Variants in ANKRD26 observed in about 807,000 individuals in gnomAD.
ANKRD26 encodes the protein ankyrin repeat domain 26, also known as ankyrin repeat domain-containing protein 26.
In ANKRD26, 141 loss-of-function variants were observed where a neutral mutation model predicts 208.7. That is an observed-to-expected ratio of 0.68 (90% CI 0.59 to 0.78). The LOEUF (loss-of-function observed/expected upper bound fraction) is 0.78. Ranked by LOEUF, ANKRD26 falls within the 30% of genes least tolerant of loss-of-function variation. The probability of loss-of-function intolerance (pLI) is 0.00; values close to 1 mark genes in which losing one functional copy is unlikely to be tolerated. For synonymous variants in ANKRD26, 636 were observed against 660.4 expected (o/e 0.96, Z 0.57); for missense variants, 1,889 against 1,938.7 (o/e 0.97, Z 0.48).
downstream of ANKRD26, among the ~76,000 whole-genome samples, chr10:26,999,824 A>C (rs1201079842): frequency 1.3e-5 from 2 of 151,628 alleles, no homozygotes; most frequent in Non-Finnish European, 1.5e-5. Flanking sequence ...AAAAAAAAAA[A>C]AAACCCAACA....
chr10:27,028,502 C>CAGG (rs1446562277), intron 27 of ANKRD26, among the ~76,000 whole-genome samples: 2 of 144,422 alleles, frequency 1.4e-5, no homozygotes, highest in African/African-American at 2.6e-5. Flanking sequence ...GAGGCTGAGG[C>CAGG]AGGAGAATGG....
rs184705195 is a variant in ANKRD26, at chr10:27,009,904, T to C, written c.4954-2942A>G. Among the ~76,000 whole-genome samples the C allele has an allele frequency of 2.6e-5, 4 of 152,256 alleles. No individual in the cohort carries two copies. The East Asian group carries it at 7.7e-4, about 29-fold the overall frequency. ...ACTTTTTCATTTTAAAATATAAGAA[T>C]AGGAGAAAATTATAAAAGAACAATG... On this transcript the variant is annotated intron_variant, in intron 32 of 33. Transcript: ENST00000376087.
In ANKRD26 at chr10:27,037,991, C is replaced by T. The variant is rs2054099096; in HGVS notation, c.2439G>A (p.Arg813=). 1 of 1,612,702 alleles carries T rather than the reference C, an allele frequency of 6.2e-7. No homozygotes were observed. Among genetic ancestry groups the T allele is most frequent in the Non-Finnish European group, 8.5e-7 (1 of 1,179,700 alleles). The change falls in exon 22 of 34, where the codon AGG becomes AGA. Residue 813 remains arginine (R), a synonymous_variant. Coordinates refer to ENST00000376087, the MANE Select transcript of ANKRD26 (RefSeq NM_014915.3). ...GCTCTTCTTTTCTTCTTAACTGTTC[C>T]CTAATTTTTTCATACAACGTATCAG... ...RNADTLYEKI[R]EQLRRKEEQY... is the part of the protein sequence containing the mutation.
At chr10:26,964,466 C>T in the ANKRD26 span, among the ~76,000 whole-genome samples, 1 of 152,164 alleles carries the variant, frequency 6.6e-6, no homozygotes, top group African/African-American at 2.4e-5. Context: ...TGACATTAAA[C>T]GAAGGGTCTA....
chr10:27,015,680 G>C (rs3781098), intron 30 of ANKRD26, among the ~76,000 whole-genome samples: 1 of 152,008 alleles, frequency 6.6e-6, no homozygotes, highest in Non-Finnish European at 1.5e-5. Context: ...TGAGAATGAG[G>C]AGTGAAGACT....
At chr10:26,952,803 T>C in the ANKRD26 span, among the ~76,000 whole-genome samples, 1 of 152,212 alleles carries the variant, frequency 6.6e-6, no homozygotes, top group African/African-American at 2.4e-5. Context: ...TTGACCCAAC[T>C]AGGCCAAGCA....
rs572964203 is a variant in ANKRD26, at chr10:27,058,582, AT to A, written c.1564+1762del. Among the ~76,000 whole-genome samples the A allele has an allele frequency of 6.3e-3, 907 of 144,646 alleles. 3 individuals carry two copies. The highest frequency in any genetic ancestry group is 8.1e-3 in the Non-Finnish European group (534 of 65,626). 94.9% of individuals were successfully genotyped at this position (144,646 alleles called of 152,430 possible). ...CATTTCAAAAATGAACTCCACCATG[AT>A]TTTTTTTTTTTTCAGACCAGTCTCA... On this transcript the variant is annotated intron_variant, in intron 15 of 33. Transcript: ENST00000376087.
chr10:26,987,754 C>T (rs1212256284), downstream of ANKRD26, among the ~76,000 whole-genome samples: 2 of 152,122 alleles, frequency 1.3e-5, no homozygotes, highest in African/African-American at 2.4e-5. Flanking sequence ...AATCTATTGA[C>T]AGACACATAT....
the ANKRD26 span, among the ~76,000 whole-genome samples, chr10:26,958,755 GT>G: frequency 1.3e-5 from 2 of 152,042 alleles, no homozygotes; most frequent in East Asian, 3.9e-4. Flanking sequence ...ATTGTAAACA[GT>G]GCTGCAATGA....
chr10:26,996,784 T>C (rs758029348), intron 4 of ANKRD26, among the ~76,000 whole-genome samples: 1 of 152,204 alleles, frequency 6.6e-6, no homozygotes, highest in African/African-American at 2.4e-5. Flanking sequence ...GAGGATGGCC[T>C]TAACCAAATG....
intron 32 of ANKRD26, among the ~76,000 whole-genome samples, chr10:27,011,133 A>G (rs1360332825): frequency 3.3e-5 from 5 of 152,206 alleles, no homozygotes; most frequent in Admixed American, 2.6e-4. Flanking sequence ...TCTCTGCATT[A>G]AGATCATGAA....
chr10:26,979,198 G>A (rs185796749), intron 5 of ANKRD26, among the ~76,000 whole-genome samples: 42 of 152,216 alleles, frequency 2.8e-4, no homozygotes, highest in African/African-American at 9.4e-4. Flanking sequence ...CCAGCCAGGC[G>A]ACAGAGCGAG....
At chr10:26,979,024 C>A (rs146974500) in intron 5 of ANKRD26, among the ~76,000 whole-genome samples, 17 of 152,246 alleles carry the variant, frequency 1.1e-4, no homozygotes, top group African/African-American at 3.9e-4. Flanking sequence ...AGATCGAGAC[C>A]ATCTTGCCTA....
Position 27,040,082 on chromosome 10 carries a change from A to T in ANKRD26, c.2258T>A (p.Ile753Asn), listed in dbSNP as rs1446588591. ...KNHCELLTVKIKKMEDKVNVL... is the reference protein window; with the variant it reads ...KNHCELLTVKNKKMEDKVNVL... The stretch of plus-strand genomic sequence containing the variant: ...ATTAACCTTGTCTTCCATTTTTTTA[A>T]TTTTTACTGTAAGTAGTTCACAGTG... The change falls in exon 21 of 34, where the codon ATT (isoleucine) becomes AAT (asparagine). Residue 753 changes from isoleucine (I) to asparagine (N), a missense_variant. Physicochemically the swap from Ile to Asn is moderately radical, Grantham distance 149. Around this residue, in one of 3 missense-constraint regions of ANKRD26, gnomAD observed 1,272 missense variants for 1,273.8 expected, o/e 1.00. Transcript: ENST00000376087. 6.2e-7 allele frequency: 1 copy of T among 1,612,808 alleles called. No homozygotes were observed. Among genetic ancestry groups the T allele is most frequent in the Non-Finnish European group, 8.5e-7 (1 of 1,179,492 alleles).
At chr10:27,048,737 G>T in intron 17 of ANKRD26, 64 bp downstream of exon 17, 1 of 1,499,812 alleles carries the variant, frequency 6.7e-7, no homozygotes. Context: ...ATGAATATTA[G>T]TCCAAATTAG....
rs768225508 is a variant in ANKRD26 at position 27,035,612 on chromosome 10, A to T, written c.2838T>A (p.Leu946=). 1.3e-5 allele frequency: 21 copies of T among 1,602,178 alleles called. No individual in the cohort carries two copies. The highest frequency in any genetic ancestry group is 1.4e-5 in the Non-Finnish European group (17 of 1,176,286). ...QEKEKKCFED[L]KIVKEKNEDL... is the part of the protein sequence containing the mutation. Reference sequence around the variant, plus strand: ...CTTCATTCTTTTCTTTTACAATTTTAAGGTCCTCAAAACATTTCTTTTCTT... The same window carrying T: ...CTTCATTCTTTTCTTTTACAATTTTTAGGTCCTCAAAACATTTCTTTTCTT... The change falls in exon 24 of 34, where the codon CTT becomes CTA. Residue 946 remains leucine (L), a synonymous_variant. Transcript: ENST00000376087.
Position 27,028,837 on chromosome 10 carries a change from A to T in ANKRD26, c.3972+15T>A. Reference sequence around the variant, plus strand: ...ATTCCTTTTCAGTACGACAGAAATTAAGTGGCTGACTTACCAAATTTGCAT... The same window carrying T: ...ATTCCTTTTCAGTACGACAGAAATTTAGTGGCTGACTTACCAAATTTGCAT... On this transcript the variant is annotated intron_variant, in intron 27 of 33. Coordinates refer to ENST00000376087, the MANE Select transcript of ANKRD26 (RefSeq NM_014915.3). The T allele has an allele frequency of 6.2e-7, 1 of 1,601,320 alleles. No homozygotes were observed. The highest frequency in any genetic ancestry group is 8.6e-7 in the Non-Finnish European group (1 of 1,168,918).
At chr10:27,042,501 C>A (rs2054278263) in intron 20 of ANKRD26, among the ~76,000 whole-genome samples, 1 of 151,936 alleles carries the variant, frequency 6.6e-6, no homozygotes, top group South Asian at 2.1e-4. Context: ...CGCCTGTAAT[C>A]CCAGCACTTT....
At position 27,037,268 on chromosome 10, in the gene ANKRD26, C is replaced by G; in HGVS notation, c.2615G>C (p.Arg872Thr). The G allele has an allele frequency of 6.2e-7, 1 of 1,613,880 alleles. No individual in the cohort carries two copies. The highest frequency in any genetic ancestry group is 8.5e-7 in the Non-Finnish European group (1 of 1,179,830). The stretch of plus-strand genomic sequence containing the variant: ...GGTCAGAATTCCATCTTGTAACATT[C>G]TGGCATTCTGTTCTCGAGAAAGTTG... ...QRQLSREQNA[R>T]MLQDGILTNH... The change falls in exon 23 of 34, where the codon AGA becomes ACA. Residue 872 changes from arginine (R) to threonine (T), a missense_variant. Around this residue, in one of 3 missense-constraint regions of ANKRD26, gnomAD observed 1,272 missense variants for 1,273.8 expected, o/e 1.00. Transcript: ENST00000376087.
Sources: gnomAD v4.1 joint callset for allele counts (sites outside exome capture counted in the v4.1 genomes callset) on GRCh38, gnomAD v4.1.1 for gene constraint, gnomAD v4.1.1 regional missense constraint, MANE v1.5 for transcripts, NCBI Gene and HGNC (gene_info 2026-07-23, HGNC 2026-07-21) for gene names.